The following CKS1B variants were observed in gnomAD, a reference collection of about 807,000 sequenced individuals.
The protein encoded by CKS1B is cyclin-dependent kinases regulatory subunit 1.
A neutral mutation model predicts 12.2 loss-of-function variants in CKS1B; 5 were observed. The observed-to-expected ratio is 0.41, with a 90% CI of 0.21 to 0.86. The LOEUF (loss-of-function observed/expected upper bound fraction) is 0.86, where lower values mean the gene tolerates loss of function less well. Ranked by LOEUF, CKS1B falls within the 40% of genes least tolerant of loss-of-function variation. The probability of loss-of-function intolerance (pLI) is 0.32; values close to 1 mark genes in which losing one functional copy is unlikely to be tolerated. For missense variants in CKS1B, 53 were observed against 99.9 expected (o/e 0.53, Z 2.00); for synonymous variants, 24 against 34.4 (o/e 0.70, Z 1.06).
chr1:154,978,561 G>C, intron 2 of CKS1B, 164 bp from the exon 3 acceptor site: 1 of 626,652 alleles, frequency 1.6e-6, no homozygotes, highest in Non-Finnish European at 2.8e-6. Context: ...GTACTTGGCA[G>C]ACAGTCCAGA....
Position 154,974,682 on chromosome 1 carries a change from C to T in CKS1B, c.-64C>T, listed in dbSNP as rs1294838599. 9.1e-6 allele frequency: 14 copies of T among 1,541,040 alleles called. No homozygotes were observed. Among genetic ancestry groups the T allele is most frequent in the Non-Finnish European group, 1.2e-5 (14 of 1,137,846 alleles). On this transcript the variant is annotated 5_prime_UTR_variant, in exon 1 of 3. Coordinates refer to ENST00000308987, the MANE Select transcript of CKS1B (RefSeq NM_001826.3). ...AGCGAGGCCAAAGTGGGTGGGAGCG[C>T]GTGCTGTTGGGAGTTGCTTGGAGGT... is the stretch of plus-strand genomic sequence containing the variant.
intron 1 of CKS1B, 130 bp downstream of exon 1, chr1:154,974,934 A>T (rs776994681): frequency 6.2e-7 from 1 of 1,613,472 alleles, no homozygotes; most frequent in Admixed American, 1.7e-5. Flanking sequence ...CAATGGTGTG[A>T]TATTGTGGAA....
At chr1:154,977,059 G>A (rs1571470643) in intron 1 of CKS1B, among the ~76,000 whole-genome samples, 1 of 152,094 alleles carries the variant, frequency 6.6e-6, no homozygotes, top group Admixed American at 6.6e-5. Flanking sequence ...GTCTTGCTTT[G>A]TTGCCCAGAC....
chr1:154,978,678 C>T (rs1426363452), intron 2 of CKS1B, 47 bp from the exon 3 acceptor site: 3 of 1,534,992 alleles, frequency 2.0e-6, no homozygotes, highest in African/African-American at 1.4e-5. Flanking sequence ...ATAGGTTGTA[C>T]ATAGAATGGT....
intron 1 of CKS1B, among the ~76,000 whole-genome samples, chr1:154,976,139 CAGAGCCTGAGATG>C: frequency 6.6e-6 from 1 of 152,242 alleles, no homozygotes; most frequent in East Asian, 1.9e-4. Context: ...TCCTAGAGGG[CAGAGCCTGAGATG>C]AGACTCTAAG....
intron 1 of CKS1B, chr1:154,975,213 A>T: frequency 1.8e-6 from 1 of 571,020 alleles, no homozygotes; most frequent in Non-Finnish European, 3.1e-6. Context: ...CTAACAGGAG[A>T]GTAGCGCTGA....
intron 1 of CKS1B, 47 bp from the exon 2 acceptor site, chr1:154,977,938 CTG>C: frequency 6.3e-7 from 1 of 1,575,524 alleles, no homozygotes; most frequent in South Asian, 1.2e-5. Context: ...GTCTAAGAGA[CTG>C]TATCTGGTAC....
intron 1 of CKS1B, chr1:154,975,923 TTGAGGGAGGAG>T (rs1389746954): frequency 1.4e-4 from 21 of 154,002 alleles, no homozygotes; most frequent in Admixed American, 1.0e-3. Flanking sequence ...TGGGGCCTGC[TTGAGGGAGGAG>T]GGTGGGAGGA....
At chr1:154,974,835 G>A (rs764410910) in intron 1 of CKS1B, 31 bp downstream of exon 1, 1 of 1,614,044 alleles carries the variant, frequency 6.2e-7, no homozygotes, top group African/African-American at 1.3e-5. Flanking sequence ...AATAGCGAGG[G>A]TCGTGAGCTT....
chr1:154,978,753 A>T lies in CKS1B; in HGVS notation c.216A>T (p.Pro72=), dbSNP rs1366787513. ...PEPHILLFRR[P]LPKKPKK is the part of the protein sequence containing the mutation. ...CTCACATCTTGCTGTTCCGGCGCCC[A>T]CTACCCAAGAAACCAAAGAAATGAA... The change falls in exon 3 of 3, where the codon CCA becomes CCT. Residue 72 remains proline (P), a synonymous_variant. Transcript: ENST00000308987. 1 of 1,613,562 alleles carries T rather than the reference A, an allele frequency of 6.2e-7. No individual in the cohort carries two copies.
In CKS1B at chr1:154,978,798, G is replaced by T. The variant is rs1350980339; in HGVS notation, c.*21G>T. ...AATGAAGCTGGCAAGCTACTTTTCA[G>T]CCTCAAGCTTTACACAGCTGTCCTT... On this transcript the variant is annotated 3_prime_UTR_variant, in exon 3 of 3. Coordinates refer to ENST00000308987, the MANE Select transcript of CKS1B (RefSeq NM_001826.3). 6.7e-7 allele frequency: 1 copy of T among 1,490,654 alleles called. No individual in the cohort carries two copies. Among genetic ancestry groups the T allele is most frequent in the South Asian group, 1.1e-5 (1 of 88,082 alleles). 92.3% of individuals were successfully genotyped at this position (1,490,654 alleles called of 1,614,324 possible).
chr1:154,978,432 A>T, intron 2 of CKS1B: 2 of 553,426 alleles, frequency 3.6e-6, no homozygotes, highest in Non-Finnish European at 6.3e-6. Context: ...TGTGTTCTAA[A>T]TAAGCAAAGG....
chr1:154,977,900 C>A, intron 1 of CKS1B, 87 bp from the exon 2 acceptor site: 2 of 1,372,770 alleles, frequency 1.5e-6, no homozygotes, highest in Admixed American at 2.6e-5. Context: ...GTTTTTCTTT[C>A]CTTTCTTGGC....
At position 154,974,767 on chromosome 1, in the gene CKS1B, T is replaced by C. The variant is rs541960310; in HGVS notation, c.22T>C (p.Tyr8His). The C allele has an allele frequency of 1.2e-6, 2 of 1,612,182 alleles. No homozygotes were observed. Among genetic ancestry groups the C allele is most frequent in the East Asian group, 2.2e-5 (1 of 44,860 alleles). The change falls in exon 1 of 3, where the codon TAT (tyrosine) becomes CAT (histidine). Residue 8 changes from tyrosine to histidine, a missense_variant. Transcript: ENST00000308987. MSHKQIY[Y>H]SDKYDDEEFE... The stretch of plus-strand genomic sequence containing the variant: ...GATCATGTCGCACAAACAAATTTAC[T>C]ATTCGGACAAATACGACGACGAGGA...
chr1:154,976,952 A>G (rs1380769760), intron 1 of CKS1B, among the ~76,000 whole-genome samples: 2 of 152,154 alleles, frequency 1.3e-5, no homozygotes, highest in Non-Finnish European at 2.9e-5. Context: ...CTTGGTTAGA[A>G]AAGCACGGAA....
intron 1 of CKS1B, chr1:154,977,672 TG>T: frequency 3.8e-6 from 1 of 261,180 alleles, no homozygotes; most frequent in South Asian, 6.7e-5. Context: ...TAACACTGTG[TG>T]CTCCGTGGGG....
chr1:154,978,428 C>T (rs1048692387), intron 2 of CKS1B: 1 of 551,356 alleles, frequency 1.8e-6, no homozygotes, highest in African/African-American at 1.9e-5. Context: ...TGGATGTGTT[C>T]TAAATAAGCA....
intron 1 of CKS1B, 31 bp from the exon 2 acceptor site, chr1:154,977,954 CAT>C: frequency 1.2e-6 from 2 of 1,606,206 alleles, no homozygotes; most frequent in Non-Finnish European, 8.5e-7. Flanking sequence ...CTGGTACTAA[CAT>C]AAATTCCCCA....
intron 2 of CKS1B, 39 bp from the exon 3 acceptor site, chr1:154,978,686 G>A: frequency 6.3e-7 from 1 of 1,577,864 alleles, no homozygotes; most frequent in Non-Finnish European, 8.7e-7. Context: ...TACATAGAAT[G>A]GTGTGAGCTT....
Sources: allele counts gnomAD v4.1 joint callset (sites outside exome capture counted in the v4.1 genomes callset), GRCh38; gene constraint gnomAD v4.1.1; transcripts MANE v1.5; gene names NCBI Gene and HGNC (gene_info 2026-07-23, HGNC 2026-07-21).